The following GATAD2B variants were observed in gnomAD, a reference collection of about 807,000 sequenced individuals.
GATAD2B encodes the protein GATA zinc finger domain containing 2B.
Under a neutral mutation model 64.3 loss-of-function variants are expected in GATAD2B, and 8 were observed. The observed-to-expected ratio is 0.12, with a 90% CI of 0.07 to 0.22. The LOEUF (loss-of-function observed/expected upper bound fraction) is 0.22. GATAD2B is among the 10% of genes least tolerant of loss of function. The probability of loss-of-function intolerance (pLI) is 1.00; values close to 1 mark genes in which losing one functional copy is unlikely to be tolerated. For synonymous variants in GATAD2B, 281 were observed against 271.3 expected, an observed-to-expected ratio of 1.04 and a Z score of -0.35; for missense variants, 453 against 752.0, an observed-to-expected ratio of 0.60 and a Z score of 4.65.
At chr1:153,815,708 G>A (rs146794070) in intron 7 of GATAD2B, among the ~76,000 whole-genome samples, 1 of 151,866 alleles carries the variant, frequency 6.6e-6, no homozygotes, top group Admixed American at 6.6e-5. Flanking sequence ...AGAATAGATA[G>A]ATTAGATAGA....
intron 1 of GATAD2B, among the ~76,000 whole-genome samples, chr1:153,897,834 T>A (rs1484657232): frequency 5.9e-5 from 9 of 152,206 alleles, no homozygotes; most frequent in Non-Finnish European, 1.2e-4. Flanking sequence ...TAACTATATA[T>A]GTTTCTATAT....
intron 1 of GATAD2B, chr1:153,852,860 G>T: frequency 1.3e-6 from 1 of 781,894 alleles, no homozygotes; most frequent in Non-Finnish European, 2.3e-6. Flanking sequence ...GGGAGGTACT[G>T]TCCTACCAAG....
chr1:153,860,583 C>T (rs919726327), intron 1 of GATAD2B, among the ~76,000 whole-genome samples: 2 of 152,030 alleles, frequency 1.3e-5, no homozygotes, highest in Non-Finnish European at 2.9e-5. Flanking sequence ...GATCCTCCCA[C>T]CTTGGCCTCC....
intron 1 of GATAD2B, among the ~76,000 whole-genome samples, chr1:153,900,895 T>G (rs1286842590): frequency 6.6e-6 from 1 of 152,194 alleles, no homozygotes; most frequent in Non-Finnish European, 1.5e-5. Context: ...AAATAATCTC[T>G]TGATTTTTTT....
chr1:153,812,179 T>C (rs569115558), intron 8 of GATAD2B, 47 bp from the exon 9 acceptor site: 23 of 937,910 alleles, frequency 2.5e-5, no homozygotes, highest in South Asian at 8.6e-5. Flanking sequence ...CAGCACCCAA[T>C]ACCCAATTTC....
rs891809941 is a variant in GATAD2B, at chr1:153,898,339, G to C, written c.-2+24394C>G. Among the ~76,000 whole-genome samples the C allele has an allele frequency of 4.5e-4, 63 of 139,144 alleles. 1 individual carries two copies. Among genetic ancestry groups the C allele is most frequent in the East Asian group, 1.8e-3 (9 of 4,974 alleles). The allele number at this position is 139,144 out of a possible 152,430, so 91.3% of individuals were successfully genotyped here. ...AAAAAAAAAAGAAAAAAAGAAAAAA[G>C]AAAAACAAAAACAAAAAGAAAAGAA... is the stretch of plus-strand genomic sequence containing the variant. On this transcript the variant is annotated intron_variant, in intron 1 of 10. Transcript: ENST00000368655.
At chr1:153,844,718 C>T (rs1675619776) in intron 1 of GATAD2B, among the ~76,000 whole-genome samples, 1 of 128,860 alleles carries the variant, frequency 7.8e-6, no homozygotes. Flanking sequence ...ACAATGAGAT[C>T]ACATGGACAC....
At chr1:153,839,893 G>C (rs919342320) in intron 1 of GATAD2B, among the ~76,000 whole-genome samples, 22 of 152,050 alleles carry the variant, frequency 1.4e-4, no homozygotes, top group African/African-American at 5.3e-4. Flanking sequence ...AGAATCACTT[G>C]AACCTGGGAG....
In GATAD2B at chr1:153,807,639, C is replaced by T. The variant is rs1461176865; in HGVS notation, c.*2538G>A. The T allele has an allele frequency of 2.6e-5, 4 of 152,636 alleles. No homozygotes were observed. Among genetic ancestry groups the T allele is most frequent in the Non-Finnish European group, 5.9e-5 (4 of 68,080 alleles). 9.5% of individuals were successfully genotyped at this position (152,636 alleles called of 1,614,324 possible). ...TGACCTCAGCACCTAAGCAGGCACT[C>T]GACTATAGGCTTTCCTTCTCCATGA... On this transcript the variant is annotated 3_prime_UTR_variant, in exon 11 of 11. Coordinates refer to ENST00000368655, the MANE Select transcript of GATAD2B (RefSeq NM_020699.4).
intron 2 of GATAD2B, among the ~76,000 whole-genome samples, chr1:153,820,750 C>T (rs1484508332): frequency 6.6e-6 from 1 of 152,010 alleles, no homozygotes; most frequent in African/African-American, 2.4e-5. Context: ...CCACCTCAGC[C>T]TCCTGAGTAA....
At chr1:153,839,047 T>G (rs997150559) in intron 1 of GATAD2B, among the ~76,000 whole-genome samples, 1 of 137,546 alleles carries the variant, frequency 7.3e-6, no homozygotes, top group African/African-American at 2.8e-5. Flanking sequence ...AGGCAGAGGT[T>G]GCAGTGAACT....
intron 5 of GATAD2B, 49 bp from the exon 6 acceptor site, chr1:153,817,591 T>C (rs761178838): frequency 2.2e-6 from 3 of 1,363,716 alleles, no homozygotes; most frequent in Admixed American, 5.2e-5. Context: ...GTACGCTGTG[T>C]ATAATACAGC....
At chr1:153,870,935 C>T (rs1420803909) in intron 1 of GATAD2B, among the ~76,000 whole-genome samples, 3 of 152,122 alleles carry the variant, frequency 2.0e-5, no homozygotes, top group Non-Finnish European at 2.9e-5. Context: ...TTCCCCAAGA[C>T]GGAGTCTTGC....
intron 1 of GATAD2B, among the ~76,000 whole-genome samples, chr1:153,885,447 C>A (rs964680310): frequency 1.3e-5 from 2 of 152,068 alleles, no homozygotes; most frequent in African/African-American, 2.4e-5. Context: ...AGGGGCTGGG[C>A]ATGGTGGCTC....
At chr1:153,898,935 A>G (rs899076030) in intron 1 of GATAD2B, 1 of 152,236 alleles carries the variant, frequency 6.6e-6, no homozygotes, top group African/African-American at 2.4e-5. Context: ...TCTGCCAATT[A>G]GAAGCTCAAC....
intron 1 of GATAD2B, among the ~76,000 whole-genome samples, chr1:153,888,390 A>G (rs559382588): frequency 4.6e-5 from 7 of 152,328 alleles, no homozygotes; most frequent in African/African-American, 1.7e-4. Context: ...GTACCTAACT[A>G]GAATAGTCCT....
chr1:153,863,241 G>C (rs1000509767), intron 1 of GATAD2B, among the ~76,000 whole-genome samples: 4 of 152,204 alleles, frequency 2.6e-5, no homozygotes, highest in African/African-American at 9.6e-5. Flanking sequence ...AACAGTTTGG[G>C]GGGCCGAGGC....
chr1:153,874,834 C>T (rs1242084801), intron 1 of GATAD2B, among the ~76,000 whole-genome samples: 1 of 151,718 alleles, frequency 6.6e-6, no homozygotes, highest in Non-Finnish European at 1.5e-5. Context: ...GCCTTGGCCC[C>T]CCAAAGTGCT....
At chr1:153,846,557 C>CTT (rs887230575) in intron 1 of GATAD2B, among the ~76,000 whole-genome samples, 1,952 of 113,806 alleles carry the variant, frequency 0.017, 87 homozygotes, top group African/African-American at 0.052. Context: ...TCTTTGCGTT[C>CTT]TTTTTTTTTT....
Sources: gnomAD v4.1 joint callset for allele counts (sites outside exome capture counted in the v4.1 genomes callset) on GRCh38, gnomAD v4.1.1 for gene constraint, MANE v1.5 for transcripts, NCBI Gene and HGNC (gene_info 2026-07-23, HGNC 2026-07-21) for gene names.